The following PTCH1 variants were observed in gnomAD, a reference collection of about 807,000 sequenced individuals.
The protein encoded by PTCH1 is protein patched homolog 1.
PTCH1 carries 14 observed loss-of-function variants against 144.6 expected under a neutral mutation model. That is an observed-to-expected ratio of 0.10 (90% CI 0.06 to 0.15). PTCH1 has a LOEUF of 0.15. PTCH1 is among the 10% of genes least tolerant of loss of function. The pLI, the probability that PTCH1 is intolerant of heterozygous loss-of-function variation, is 1.00. For synonymous variants in PTCH1, 833 were observed against 793.6 expected (o/e 1.05, Z -0.83); for missense variants, 1,623 against 1,948.3 (o/e 0.83, Z 3.14).
In PTCH1 at chr9:95,458,342, T is replaced by C. The variant is rs751941760; in HGVS notation, c.2888-49A>G. 3 of 1,593,594 alleles carry C rather than the reference T, an allele frequency of 1.9e-6. No individual in the cohort carries two copies. Among genetic ancestry groups the C allele is most frequent in the Non-Finnish European group, 2.6e-6 (3 of 1,168,636 alleles). ...AGGAGCAGCCCAGGGTAGAAGAGCA[T>C]CACAGTTTCAATGGAAAGAGAGAAG... On this transcript the variant is annotated intron_variant, in intron 17 of 23. Transcript: ENST00000331920. This position sits in a 1 kb window ranked among gnomAD's most constrained non-coding sequence, Gnocchi z 4.7.
At chr9:95,473,072 T>G (rs1195163737) in intron 12 of PTCH1, among the ~76,000 whole-genome samples, 1 of 152,148 alleles carries the variant, frequency 6.6e-6, no homozygotes, top group East Asian at 1.9e-4. Context: ...TTCTGTTCTG[T>G]GAGTTTTCAT....
intron 2 of PTCH1, among the ~76,000 whole-genome samples, chr9:95,494,070 CCACGGAACCG>C (rs1325518255): frequency 1.3e-5 from 2 of 151,854 alleles, no homozygotes; most frequent in Non-Finnish European, 2.9e-5. Context: ...CCCCACCTGC[CCACGGAACCG>C]CACGGGACCG....
In PTCH1 at chr9:95,508,156, T is replaced by C. The variant is rs1843883183; in HGVS notation, c.201+5A>G. On this transcript the variant is annotated splice_donor_5th_base_variant and intron_variant, in intron 1 of 23. Transcript: ENST00000331920. The stretch of plus-strand genomic sequence containing the variant: ...GAAAGTGGGAGGAGAGAGTCTGAAA[T>C]GCACCTTGGAAATCTGCTCCAGAGC... The C allele has an allele frequency of 1.9e-6, 3 of 1,612,484 alleles. No individual in the cohort carries two copies. The highest frequency in any genetic ancestry group is 1.7e-5 in the Admixed American group (1 of 59,996).
chr9:95,471,693 G>A (rs1840597574), intron 12 of PTCH1, among the ~76,000 whole-genome samples: 1 of 152,220 alleles, frequency 6.6e-6, no homozygotes, highest in Admixed American at 6.5e-5. Context: ...GTGGGGTGGA[G>A]GGGTGGTCAG....
In PTCH1 at chr9:95,494,129, G is replaced by A. The variant is rs138700452; in HGVS notation, c.395-8255C>T. On this transcript the variant is annotated intron_variant, in intron 2 of 23. Transcript: ENST00000331920. Reference sequence around the variant, plus strand: ...GCAGGCTGGGCGCAGGTAGTGCGCAGGCGCTCGCGCGGGGTTCTGCAACGC... The same window carrying A: ...GCAGGCTGGGCGCAGGTAGTGCGCAAGCGCTCGCGCGGGGTTCTGCAACGC... 3.0e-3 allele frequency: 2,591 copies of A among 877,036 alleles called. 7 individuals are homozygous for A. The highest frequency in any genetic ancestry group is 3.3e-3 in the Non-Finnish European group (2,427 of 731,078). 54.3% of individuals were successfully genotyped at this position (877,036 alleles called of 1,614,324 possible).
chr9:95,490,515 T>C (rs1842311221), intron 2 of PTCH1, among the ~76,000 whole-genome samples: 1 of 119,226 alleles, frequency 8.4e-6, no homozygotes, highest in African/African-American at 4.1e-5. Flanking sequence ...CAAAACCTTC[T>C]ATGTGACACA....
intron 15 of PTCH1, 103 bp from the exon 16 acceptor site, chr9:95,462,101 G>A (rs944564286): frequency 7.4e-7 from 1 of 1,357,710 alleles, no homozygotes; most frequent in Non-Finnish European, 1.1e-6. Context: ...GGGGCTCTTA[G>A]ACGTCCATCA....
At chr9:95,506,819 G>T in intron 1 of PTCH1, 1 of 1,141,252 alleles carries the variant, frequency 8.8e-7, no homozygotes, top group East Asian at 3.6e-5. Context: ...GCACCTCGGG[G>T]ACATCAGGGC....
At chr9:95,483,194 G>A (rs1841692030) in intron 3 of PTCH1, 2 of 152,076 alleles carry the variant, frequency 1.3e-5, no homozygotes, top group East Asian at 1.9e-4. Flanking sequence ...TTGAGCCCAG[G>A]AGTTCGAGGC....
intron 15 of PTCH1, among the ~76,000 whole-genome samples, chr9:95,463,094 G>A (rs1839671132): frequency 1.3e-5 from 2 of 151,030 alleles, no homozygotes; most frequent in African/African-American, 4.9e-5. Flanking sequence ...GTACATGTAT[G>A]GGTTGGACAC....
chr9:95,504,390 G>C lies in PTCH1; in HGVS notation c.394+2017C>G, dbSNP rs543865938. Among the ~76,000 whole-genome samples the C allele has an allele frequency of 1.9e-3, 282 of 152,330 alleles. 2 individuals are homozygous for C. Among genetic ancestry groups the C allele is most frequent in the Admixed American group, 4.9e-3 (75 of 15,306 alleles). On this transcript the variant is annotated intron_variant, in intron 2 of 23. Coordinates refer to ENST00000331920, the MANE Select transcript of PTCH1 (RefSeq NM_000264.5). The stretch of plus-strand genomic sequence containing the variant: ...TTATGCAGAAAGCAAGTTATTTCCA[G>C]AAATATGCAATGTTAAGAAAATAAA...
rs201595274 is a variant in PTCH1, at chr9:95,447,417, G to A, written c.3839C>T (p.Ser1280Leu). The A allele has an allele frequency of 7.0e-5, 113 of 1,602,842 alleles. No individual in the cohort carries two copies. The East Asian group carries it at 1.9e-3, about 27-fold the overall frequency. Residue 1280 changes from serine (S) to leucine (L), a missense_variant, in exon 23 of 24, where the codon TCG becomes TTG. By Grantham distance (145) the Ser-to-Leu change is moderately radical (BLOSUM62 -2). Transcript: ENST00000331920. ...CAGGTGGGGCTGCTGTCTCGGGTTC[G>A]AGGGTGGGTGATGCCTGGATTCGGG... ...VHPESRHHPP[S>L]NPRQQPHLDS... is the part of the protein sequence containing the mutation.
At chr9:95,494,495 G>GAA (rs1452177483) in intron 2 of PTCH1, 6 of 959,390 alleles carry the variant, frequency 6.3e-6, no homozygotes, top group Admixed American at 6.2e-5. Flanking sequence ...GAGCACAGGC[G>GAA]GAAATGTCTT....
intron 1 of PTCH1, 52 bp from the exon 2 acceptor site, chr9:95,506,651 C>A: frequency 6.7e-7 from 1 of 1,489,638 alleles, no homozygotes; most frequent in South Asian, 1.3e-5. Context: ...GCGGCCCGCG[C>A]GCCCACGCCC....
rs1838196440 is a variant in PTCH1 at position 95,448,997 on chromosome 9, G to GC, written c.3804+71dup. ...GTGATGTGCTGCTCAGCAGACAGGA[G>GC]CCCCCGCTGGACCTCCAGGCCCACT... On this transcript the variant is annotated intron_variant, in intron 22 of 23. Transcript: ENST00000331920. 3 of 1,598,890 alleles carry GC rather than the reference G, an allele frequency of 1.9e-6. No homozygotes were observed. The Admixed American group carries it at 5.0e-5, about 27-fold the overall frequency.
chr9:95,450,223 G>A, intron 20 of PTCH1: 1 of 462,536 alleles, frequency 2.2e-6, no homozygotes, highest in Non-Finnish European at 4.0e-6. Flanking sequence ...CTGATGGCAT[G>A]TAATGTTATT....
chr9:95,482,547 A>G (rs907989676), intron 3 of PTCH1: 1 of 358,674 alleles, frequency 2.8e-6, no homozygotes, highest in Non-Finnish European at 5.2e-6. Context: ...GAATTATCAT[A>G]AATTCAAAAT....
At position 95,444,562 on chromosome 9, in the gene PTCH1, T is replaced by TA. The variant is rs1328607896; in HGVS notation, c.*1830dup. 1 of 152,776 alleles carries TA rather than the reference T, an allele frequency of 6.5e-6. No individual in the cohort carries two copies. 9.5% of individuals were successfully genotyped at this position (152,776 alleles called of 1,614,324 possible). On this transcript the variant is annotated 3_prime_UTR_variant, in exon 24 of 24. Coordinates refer to ENST00000331920, the MANE Select transcript of PTCH1 (RefSeq NM_000264.5). The stretch of plus-strand genomic sequence containing the variant: ...CACAAGCGGCTCCCAATCAGCATCT[T>TA]AAAAGTTTTGTGGTGAGTATCAGGG...
chr9:95,470,371 T>G (rs942468066), intron 12 of PTCH1, among the ~76,000 whole-genome samples: 1 of 152,054 alleles, frequency 6.6e-6, no homozygotes, highest in Non-Finnish European at 1.5e-5. Context: ...TATCAAAATG[T>G]CCCCCTTTAA....
Sources: gnomAD v4.1 joint callset for allele counts (sites outside exome capture counted in the v4.1 genomes callset) on GRCh38, gnomAD v4.1.1 for gene constraint, Gnocchi (gnomAD v3.1) non-coding constraint, MANE v1.5 for transcripts, NCBI Gene and HGNC (gene_info 2026-07-23, HGNC 2026-07-21) for gene names.